NCAM2: variants seen among roughly 807,000 people sequenced by gnomAD.
NCAM2 encodes the protein neural cell adhesion molecule 2.
Under a neutral mutation model 98.1 loss-of-function variants are expected in NCAM2, and 30 were observed. The ratio of observed to expected loss-of-function variants is 0.31; its 90% CI spans 0.23 to 0.41. The LOEUF (loss-of-function observed/expected upper bound fraction) is 0.41. Among genes scored for constraint, NCAM2 ranks in the 10% least tolerant of loss-of-function variants. The probability of loss-of-function intolerance (pLI) is 1.00; values close to 1 mark genes in which losing one functional copy is unlikely to be tolerated. For missense variants in NCAM2, 867 were observed against 1,005.8 expected (o/e 0.86, Z 1.87); for synonymous variants, 368 against 342.4 (o/e 1.07, Z -0.83).
At chr21:21,141,252 CTT>C (rs1292482576) in intron 1 of NCAM2, among the ~76,000 whole-genome samples, 7 of 152,248 alleles carry the variant, frequency 4.6e-5, no homozygotes, top group African/African-American at 1.4e-4. Flanking sequence ...AAACAACAAA[CTT>C]CTCCTTATTT....
chr21:21,202,646 C>T (rs2069279248), intron 1 of NCAM2, among the ~76,000 whole-genome samples: 1 of 151,850 alleles, frequency 6.6e-6, no homozygotes, highest in Non-Finnish European at 1.5e-5. Flanking sequence ...GAACTCCTGA[C>T]CTCAGATCAT....
At chr21:21,129,755 G>T (rs984856537) in intron 1 of NCAM2, among the ~76,000 whole-genome samples, 1 of 152,224 alleles carries the variant, frequency 6.6e-6, no homozygotes, top group African/African-American at 2.4e-5. Context: ...TTAGAGGAGC[G>T]CAAGCATTCA....
intron 8 of NCAM2, among the ~76,000 whole-genome samples, chr21:21,368,296 A>C (rs1180071430): frequency 6.6e-6 from 1 of 151,836 alleles, no homozygotes; most frequent in Non-Finnish European, 1.5e-5. Context: ...TTTCATCAAC[A>C]CTTTCTCATT....
chr21:21,358,466 A>G (rs574541168), intron 8 of NCAM2, among the ~76,000 whole-genome samples: 8 of 152,198 alleles, frequency 5.3e-5, no homozygotes, highest in African/African-American at 1.7e-4. Context: ...ATTCTATCAC[A>G]GACACACACA....
chr21:21,170,150 T>G (rs1261917601), intron 1 of NCAM2, among the ~76,000 whole-genome samples: 1 of 152,182 alleles, frequency 6.6e-6, no homozygotes, highest in African/African-American at 2.4e-5. Context: ...CATTCATTGG[T>G]GGCGTGAATG....
chr21:21,476,715 A>T (rs1009660116), intron 14 of NCAM2, among the ~76,000 whole-genome samples: 1 of 152,154 alleles, frequency 6.6e-6, no homozygotes, highest in South Asian at 2.1e-4. Flanking sequence ...GTTGTTTTAT[A>T]TTCTTATGCT....
intron 1 of NCAM2, among the ~76,000 whole-genome samples, chr21:21,087,971 C>T (rs1489869477): frequency 6.6e-6 from 1 of 152,120 alleles, no homozygotes; most frequent in African/African-American, 2.4e-5. Flanking sequence ...TGAATATCAC[C>T]ATTCAAATAC....
At chr21:21,120,859 C>T (rs866394969) in intron 1 of NCAM2, among the ~76,000 whole-genome samples, 1 of 151,808 alleles carries the variant, frequency 6.6e-6, no homozygotes, top group African/African-American at 2.4e-5. Context: ...GCTGGGATTA[C>T]AGGTGGGTGC....
In NCAM2 at chr21:21,285,498, G is replaced by A. The variant is rs2073067915; in HGVS notation, c.338-771G>A. Among the ~76,000 whole-genome samples the A allele has an allele frequency of 7.2e-5, 11 of 151,790 alleles. No individual in the cohort carries two copies. The Admixed American group carries it at 7.3e-4, about 10-fold the overall frequency. On this transcript the variant is annotated intron_variant, in intron 3 of 17. Transcript: ENST00000400546. ...CCCCTAGAGTATCTATTTCACAATA[G>A]CAAATAATTAAATTGAAATGGTCAT...
chr21:21,176,517 T>C (rs955149598), intron 1 of NCAM2, among the ~76,000 whole-genome samples: 3 of 152,000 alleles, frequency 2.0e-5, no homozygotes, highest in Admixed American at 2.0e-4. Context: ...AAATATTAAC[T>C]CTAGAGTTTT....
intron 1 of NCAM2, among the ~76,000 whole-genome samples, chr21:21,037,281 G>T (rs549523745): frequency 9.9e-5 from 15 of 152,202 alleles, no homozygotes; most frequent in East Asian, 3.9e-4. Flanking sequence ...TATAGCTAAG[G>T]TCATGGTATC....
chr21:21,351,672 TAACA>T (rs550653195), intron 8 of NCAM2, among the ~76,000 whole-genome samples: 1 of 152,220 alleles, frequency 6.6e-6, no homozygotes, highest in Non-Finnish European at 1.5e-5. Flanking sequence ...TTTTGTCACA[TAACA>T]AACACCTACT....
intron 5 of NCAM2, among the ~76,000 whole-genome samples, chr21:21,308,534 C>A (rs891784342): frequency 1.3e-5 from 2 of 152,054 alleles, no homozygotes; most frequent in Non-Finnish European, 2.9e-5. Flanking sequence ...CAGTCACCCC[C>A]AGATTCTTAG....
intron 9 of NCAM2, among the ~76,000 whole-genome samples, chr21:21,387,849 GT>G (rs1303924306): frequency 2.6e-5 from 4 of 152,060 alleles, no homozygotes; most frequent in Non-Finnish European, 5.9e-5. Context: ...AAAAAATAAA[GT>G]AGAAAAATAA....
intron 5 of NCAM2, among the ~76,000 whole-genome samples, chr21:21,318,904 A>C (rs941664146): frequency 3.9e-5 from 6 of 152,216 alleles, no homozygotes. Context: ...TGATAAAAGA[A>C]ACAGAATACA....
intron 1 of NCAM2, among the ~76,000 whole-genome samples, chr21:21,143,982 T>G (rs917007195): frequency 5.3e-5 from 8 of 152,160 alleles, no homozygotes; most frequent in African/African-American, 1.9e-4. Context: ...GTTTTTTGTC[T>G]ATTTTCATAC....
At chr21:21,243,868 T>C (rs1198229417) in intron 1 of NCAM2, among the ~76,000 whole-genome samples, 2 of 152,172 alleles carry the variant, frequency 1.3e-5, no homozygotes, top group Non-Finnish European at 2.9e-5. Context: ...GAGTTGATCT[T>C]TAACATAATA....
intron 9 of NCAM2, among the ~76,000 whole-genome samples, chr21:21,407,426 A>G (rs1775169665): frequency 6.6e-6 from 1 of 152,218 alleles, no homozygotes; most frequent in Non-Finnish European, 1.5e-5. Flanking sequence ...ATTCACACTG[A>G]GATCATCAGG....
intron 1 of NCAM2, among the ~76,000 whole-genome samples, chr21:21,034,093 A>G (rs572948820): frequency 1.3e-5 from 2 of 152,144 alleles, no homozygotes; most frequent in Non-Finnish European, 2.9e-5. Context: ...AGATAAAAAC[A>G]AGTTTGAGTA....
Sources: allele counts gnomAD v4.1 joint callset (sites outside exome capture counted in the v4.1 genomes callset), GRCh38; gene constraint gnomAD v4.1.1; transcripts MANE v1.5; gene names NCBI Gene and HGNC (gene_info 2026-07-23, HGNC 2026-07-21).